The following TAF11L11 variants were observed in gnomAD, a reference collection of about 807,000 sequenced individuals.
TAF11L11 encodes the protein TATA-box binding protein associated factor 11 like 11, also known as TATA-box-binding protein-associated factor 11-like protein 11.
exon 1 of TAF11L11, chr5:17,604,658 C>A (rs1240623711): frequency 2.3e-5 from 8 of 347,296 alleles, no homozygotes; most frequent in Non-Finnish European, 4.1e-5. Context: ...GTTAAACTGG[C>A]ACAGCAGAAA....
rs150391358 is a variant in TAF11L11, at chr5:17,605,096, C to A, written c.316C>A (p.Leu106Ile). The change falls in exon 1 of 1, where the codon CTA becomes ATA. Residue 106 changes from leucine (L) to isoleucine (I), a missense_variant. By Grantham distance (5) the Leu-to-Ile change is conservative. Coordinates refer to ENST00000510838, the Ensembl canonical transcript of TAF11L11. ...GTTTTCTGCCATGTCTGAGGAGCAG[C>A]TATCTCGCTACGAAGTGTGTCGCCG... 1,405 of 394,762 alleles carry A rather than the reference C, an allele frequency of 3.6e-3. 66 individuals are homozygous for A. The highest frequency in any genetic ancestry group is 0.026 in the African/African-American group (1,276 of 48,342). The allele number at this position is 394,762 out of a possible 1,614,324, so 24.5% of individuals were successfully genotyped here.
rs68025708 is a variant in TAF11L11, at chr5:17,605,036, A to G, written c.256A>G (p.Met86Val). ...GGGGAAGAAGGAGAGGAAGCCCACC[A>G]TGGATGCAGAGGAGGCTCAGAGGAT... is the stretch of plus-strand genomic sequence containing the variant. Residue 86 changes from methionine to valine, a missense_variant, in exon 1 of 1, where the codon ATG becomes GTG. By Grantham distance (21) the Met-to-Val change is conservative (BLOSUM62 1). Transcript: ENST00000510838. 68 of 394,280 alleles carry G rather than the reference A, an allele frequency of 1.7e-4. 2 individuals carry two copies. Among genetic ancestry groups the G allele is most frequent in the African/African-American group, 8.7e-4 (42 of 48,370 alleles). 24.4% of individuals were successfully genotyped at this position (394,280 alleles called of 1,614,324 possible). A position where few individuals can be genotyped will look rare whatever the true frequency, so the allele number is the denominator to read the frequency against.
At chr5:17,604,583 G>A (rs1739126199) in exon 1 of TAF11L11, 5 of 295,012 alleles carry the variant, frequency 1.7e-5, no homozygotes, top group Middle Eastern at 1.8e-3. Flanking sequence ...CATTGTGGAA[G>A]TGAGAACATT....
exon 1 of TAF11L11, chr5:17,604,987 T>G (rs78647243): frequency 1.0e-5 from 4 of 393,166 alleles, no homozygotes; most frequent in Non-Finnish European, 1.8e-5. Context: ...CTCCTTCAGC[T>G]AAAAGGCAGA....
exon 1 of TAF11L11, chr5:17,605,334 A>G (rs1739146113): frequency 5.1e-6 from 2 of 394,046 alleles, no homozygotes; most frequent in Admixed American, 8.9e-5. Flanking sequence ...TTAAAGCCCA[A>G]GGGCATCCTC....
At chr5:17,605,463 T>C (rs116475153), downstream of TAF11L11, 2,235 of 389,294 alleles carry the variant, frequency 5.7e-3, 127 homozygotes, top group African/African-American at 0.043. Context: ...TGCTGGAGCT[T>C]CCTTATCTCA....
exon 1 of TAF11L11, chr5:17,605,208 C>T (rs1739142507): frequency 2.5e-6 from 1 of 395,672 alleles, no homozygotes; most frequent in Non-Finnish European, 4.5e-6. Flanking sequence ...ATTGCCATGG[C>T]TGGAATAGCC....
At chr5:17,604,364 G>C (rs1363477623) in exon 1 of TAF11L11, 1 of 155,370 alleles carries the variant, frequency 6.4e-6, no homozygotes, top group Non-Finnish European at 1.4e-5. Flanking sequence ...GAATGAGATC[G>C]AAGCCAGACC....
At chr5:17,604,372 A>G (rs1739119181) in exon 1 of TAF11L11, 1 of 156,644 alleles carries the variant, frequency 6.4e-6, no homozygotes, top group Non-Finnish European at 1.4e-5. Flanking sequence ...TCGAAGCCAG[A>G]CCCTTCTCAG....
exon 1 of TAF11L11, chr5:17,605,192 A>T (rs1579616038): frequency 2.5e-6 from 1 of 395,260 alleles, no homozygotes; most frequent in Non-Finnish European, 4.5e-6. Context: ...GTCTGAGAAC[A>T]CCGCCATTGC....
exon 1 of TAF11L11, chr5:17,605,235 A>T: frequency 2.5e-6 from 1 of 395,348 alleles, no homozygotes; most frequent in Non-Finnish European, 4.5e-6. Context: ...TTTGTGGGAG[A>T]GGTGGTGGAA....
downstream of TAF11L11, among the ~76,000 whole-genome samples, chr5:17,605,832 A>G (rs188638875): frequency 6.6e-6 from 1 of 151,524 alleles, no homozygotes; most frequent in Admixed American, 6.6e-5. Flanking sequence ...TTCAATGCTC[A>G]TATGTATTTT....
chr5:17,605,477 C>T (rs987666366), downstream of TAF11L11: 5 of 388,068 alleles, frequency 1.3e-5, no homozygotes, highest in African/African-American at 1.0e-4. Flanking sequence ...TATCTCAGTC[C>T]ACCCTGGATT....
At chr5:17,604,467 A>T (rs75482981) in exon 1 of TAF11L11, 4 of 174,718 alleles carry the variant, frequency 2.3e-5, no homozygotes, top group Non-Finnish European at 4.8e-5. Flanking sequence ...GGCCTAGCAG[A>T]ACTTCTGACC....
At chr5:17,605,671 C>T (rs1739156713), downstream of TAF11L11, among the ~76,000 whole-genome samples, 1 of 151,406 alleles carries the variant, frequency 6.6e-6, no homozygotes, top group Non-Finnish European at 1.5e-5. Context: ...GGACAGGTAG[C>T]TGCATTCAGA....
downstream of TAF11L11, chr5:17,605,424 C>T: frequency 2.6e-6 from 1 of 392,026 alleles, no homozygotes; most frequent in Non-Finnish European, 4.5e-6. Context: ...ATAAGTATCG[C>T]ATTCATCTTC....
At chr5:17,605,861 C>G (rs1453538030), downstream of TAF11L11, among the ~76,000 whole-genome samples, 1 of 151,386 alleles carries the variant, frequency 6.6e-6, no homozygotes, top group Non-Finnish European at 1.5e-5. Flanking sequence ...ATCACAAAAG[C>G]AGTTAAACTG....
Position 17,604,503 on chromosome 5 carries a change from T to G in TAF11L11, c.-278T>G, listed in dbSNP as rs369187884. 5.9e-4 allele frequency: 116 copies of G among 196,500 alleles called. 1 individual carries two copies. The Middle Eastern group carries it at 0.011, about 18-fold the overall frequency. The allele number at this position is 196,500 out of a possible 1,614,324, so 12.2% of individuals were successfully genotyped here. ...TGTGAGTTGGTGTTTGTTTTAAATATCCAAAATTGGTGAGAATTTATTCTG... is the reference window on the plus strand; with the variant it reads ...TGTGAGTTGGTGTTTGTTTTAAATAGCCAAAATTGGTGAGAATTTATTCTG... On this transcript the variant is annotated 5_prime_UTR_variant, in exon 1 of 1. Coordinates refer to ENST00000510838, the Ensembl canonical transcript of TAF11L11.
At chr5:17,604,824 C>T (rs146814151) in exon 1 of TAF11L11, 1 of 388,552 alleles carries the variant, frequency 2.6e-6, no homozygotes, top group Non-Finnish European at 4.5e-6. Flanking sequence ...GAGATGTTCC[C>T]CATGCCCCGA....
Sources: allele counts gnomAD v4.1 joint callset (sites outside exome capture counted in the v4.1 genomes callset), GRCh38; gene constraint gnomAD v4.1.1; transcripts MANE v1.5; gene names NCBI Gene and HGNC (gene_info 2026-07-23, HGNC 2026-07-21).